LMBRD1: variants seen among roughly 807,000 people sequenced by gnomAD.
LMBRD1 encodes LMBR1 domain containing 1, also known as lysosomal cobalamin transport escort protein LMBD1.
In LMBRD1, 64 loss-of-function variants were observed where a neutral mutation model predicts 74.8. That is an observed-to-expected ratio of 0.86 (90% CI 0.70 to 1.05). The LOEUF (loss-of-function observed/expected upper bound fraction) is 1.05. LMBRD1 is among the 50% of genes least tolerant of loss of function. LMBRD1 has a pLI of 0.00. For missense variants in LMBRD1, 652 were observed against 645.9 expected, an observed-to-expected ratio of 1.01 and a Z score of -0.10; for synonymous variants, 204 against 216.3, an observed-to-expected ratio of 0.94 and a Z score of 0.50.
At chr6:69,787,350 C>T (rs1765974998) in intron 2 of LMBRD1, among the ~76,000 whole-genome samples, 1 of 152,064 alleles carries the variant, frequency 6.6e-6, no homozygotes, top group African/African-American at 2.4e-5. Context: ...AGGGAAAATA[C>T]AGACACACAG....
At chr6:69,685,992 A>G (rs574881816) in intron 14 of LMBRD1, among the ~76,000 whole-genome samples, 1 of 152,298 alleles carries the variant, frequency 6.6e-6, no homozygotes, top group Admixed American at 6.5e-5. Context: ...TATGGCAAAC[A>G]AAACAAAATA....
chr6:69,702,063 A>C, intron 9 of LMBRD1, 110 bp from the exon 10 acceptor site: 1 of 707,916 alleles, frequency 1.4e-6, no homozygotes, highest in South Asian at 1.6e-5. Flanking sequence ...ATCTAACAAA[A>C]ACAATCTAAG....
rs112511486 is a variant in LMBRD1 at position 69,786,103 on chromosome 6, T to C, written c.246+4193A>G. On this transcript the variant is annotated intron_variant, in intron 2 of 15. Transcript: ENST00000649934. ...GTTACCTTATCTTATTTGTTGATTATTGATCTGGCCTTGCAGACTAAGCTC... is the reference window on the plus strand; with the variant it reads ...GTTACCTTATCTTATTTGTTGATTACTGATCTGGCCTTGCAGACTAAGCTC... 3.5e-3 allele frequency among the ~76,000 whole-genome samples: 531 copies of C among 152,362 alleles called. 2 individuals carry two copies. The highest frequency in any genetic ancestry group is 0.012 in the African/African-American group (498 of 41,596).
chr6:69,720,248 A>T (rs760718002), intron 7 of LMBRD1, among the ~76,000 whole-genome samples: 1 of 152,204 alleles, frequency 6.6e-6, no homozygotes, highest in Non-Finnish European at 1.5e-5. Flanking sequence ...TCTATCATGT[A>T]ATATCAACTC....
intron 3 of LMBRD1, among the ~76,000 whole-genome samples, chr6:69,765,052 C>T (rs1765451050): frequency 6.6e-6 from 1 of 151,834 alleles, no homozygotes; most frequent in South Asian, 2.1e-4. Flanking sequence ...GCCTCAGCCT[C>T]CCCACATAGC....
chr6:69,795,451 G>A (rs1016733815), intron 1 of LMBRD1, among the ~76,000 whole-genome samples: 1 of 152,186 alleles, frequency 6.6e-6, no homozygotes, highest in African/African-American at 2.4e-5. Flanking sequence ...CTTTAAAGCC[G>A]TATTTTGTTT....
At chr6:69,721,063 G>T (rs1333872817) in intron 7 of LMBRD1, among the ~76,000 whole-genome samples, 2 of 152,218 alleles carry the variant, frequency 1.3e-5, no homozygotes, top group African/African-American at 4.8e-5. Flanking sequence ...ACACCAGCCA[G>T]AGGGGAATCA....
At position 69,790,391 on chromosome 6, in the gene LMBRD1, T is replaced by A. The variant is rs758878362; in HGVS notation, c.151A>T (p.Ile51Phe). 1 of 1,613,872 alleles carries A rather than the reference T, an allele frequency of 6.2e-7. No individual in the cohort carries two copies. Among genetic ancestry groups the A allele is most frequent in the Non-Finnish European group, 8.5e-7 (1 of 1,179,880 alleles). Reference sequence around the variant, plus strand: ...ATAAGTGCAATTGCTAGAGAAAAAATTGCTGTTATGGTGGAGACAACTTCA... The same window carrying A: ...ATAAGTGCAATTGCTAGAGAAAAAAATGCTGTTATGGTGGAGACAACTTCA... ...ESEVVSTITAIFSLAIALITS... is the reference protein window; with the variant it reads ...ESEVVSTITAFFSLAIALITS... Residue 51 changes from isoleucine (I) to phenylalanine (F), a missense_variant, in exon 2 of 16, where the codon ATT becomes TTT. Ile to Phe is a conservative substitution (Grantham distance 21). Around this residue, in one of 3 missense-constraint regions of LMBRD1, gnomAD observed 598 missense variants for 581.8 expected, o/e 1.03. Transcript: ENST00000649934.
chr6:69,714,160 C>T (rs1034647875), intron 8 of LMBRD1, among the ~76,000 whole-genome samples: 2 of 152,016 alleles, frequency 1.3e-5, no homozygotes, highest in Non-Finnish European at 2.9e-5. Context: ...CACTGTATCA[C>T]TTATTTCAAT....
At chr6:69,699,861 A>G (rs1412436238) in intron 12 of LMBRD1, among the ~76,000 whole-genome samples, 1 of 151,870 alleles carries the variant, frequency 6.6e-6, no homozygotes, top group Non-Finnish European at 1.5e-5. Flanking sequence ...TGACAATAAG[A>G]TCATTCATAA....
intron 13 of LMBRD1, among the ~76,000 whole-genome samples, chr6:69,698,008 G>T (rs573935559): frequency 2.3e-4 from 35 of 152,130 alleles, no homozygotes; most frequent in African/African-American, 7.2e-4. Flanking sequence ...TTCACAGAAG[G>T]ATGTTTAATA....
At chr6:69,777,878 T>A (rs1765739382) in intron 3 of LMBRD1, among the ~76,000 whole-genome samples, 3 of 152,160 alleles carry the variant, frequency 2.0e-5, no homozygotes, top group South Asian at 2.1e-4. Flanking sequence ...CTCTGTATAG[T>A]CCTCAAAATC....
intron 12 of LMBRD1, among the ~76,000 whole-genome samples, chr6:69,699,651 G>T (rs1202112292): frequency 6.6e-6 from 1 of 151,714 alleles, no homozygotes; most frequent in Admixed American, 6.6e-5. Flanking sequence ...TTACTAAAGA[G>T]CTTTTCACAT....
intron 9 of LMBRD1, among the ~76,000 whole-genome samples, chr6:69,708,981 T>G (rs1766322088): frequency 6.6e-6 from 1 of 152,178 alleles, no homozygotes; most frequent in Non-Finnish European, 1.5e-5. Context: ...AAGCCTGTAA[T>G]CCCAGCACTT....
intron 7 of LMBRD1, among the ~76,000 whole-genome samples, chr6:69,733,772 T>C (rs1766913904): frequency 1.3e-5 from 2 of 152,220 alleles, no homozygotes; most frequent in East Asian, 1.9e-4. Context: ...CAATTATGAA[T>C]GCCTTTTTGA....
chr6:69,730,845 C>G (rs1263888351), intron 7 of LMBRD1, among the ~76,000 whole-genome samples: 1 of 152,010 alleles, frequency 6.6e-6, no homozygotes, highest in Admixed American at 6.6e-5. Context: ...AGGAAGATAT[C>G]CAAAAGAGAA....
At chr6:69,748,956 T>C (rs1437509921) in intron 5 of LMBRD1, among the ~76,000 whole-genome samples, 1 of 152,044 alleles carries the variant, frequency 6.6e-6, no homozygotes, top group Non-Finnish European at 1.5e-5. Context: ...GTTAAATATA[T>C]TTTTGTATCC....
In LMBRD1 at chr6:69,738,027, G is replaced by A; in HGVS notation, c.563-12C>T. 6.3e-7 allele frequency: 1 copy of A among 1,592,316 alleles called. No individual in the cohort carries two copies. The highest frequency in any genetic ancestry group is 8.6e-7 in the Non-Finnish European group (1 of 1,163,456). ...TGCAGCTAAACCATCTGTGAAGAAA[G>A]AAAAACTGTTAAAAATGTACATATA... On this transcript the variant is annotated splice_polypyrimidine_tract_variant and intron_variant, in intron 6 of 15. Transcript: ENST00000649934.
chr6:69,736,807 T>C (rs1766987564), intron 7 of LMBRD1, among the ~76,000 whole-genome samples: 1 of 152,166 alleles, frequency 6.6e-6, no homozygotes, highest in South Asian at 2.1e-4. Context: ...ATAATAGCAG[T>C]TAAAATCCAG....
Sources: gnomAD v4.1 joint callset for allele counts (sites outside exome capture counted in the v4.1 genomes callset) on GRCh38, gnomAD v4.1.1 for gene constraint, gnomAD v4.1.1 regional missense constraint, MANE v1.5 for transcripts, NCBI Gene and HGNC (gene_info 2026-07-23, HGNC 2026-07-21) for gene names.